Variants in LSS observed in about 807,000 individuals in gnomAD.
LSS encodes the protein lanosterol synthase, also known as 2,3-epoxysqualene-lanosterol cyclase.
In LSS, 90 loss-of-function variants were observed where a neutral mutation model predicts 110.3. The observed-to-expected ratio is 0.82, with a 90% CI of 0.69 to 0.97. The LOEUF is 0.97. Among genes scored for constraint, LSS ranks in the 50% least tolerant of loss-of-function variants. LSS has a pLI of 0.00. For synonymous variants in LSS, 433 were observed against 400.0 expected (o/e 1.08, Z -0.98); for missense variants, 927 against 990.0 (o/e 0.94, Z 0.85).
chr21:46,199,830 G>C (rs771276592), intron 17 of LSS, among the ~76,000 whole-genome samples: 4 of 152,184 alleles, frequency 2.6e-5, no homozygotes, highest in African/African-American at 4.8e-5. Context: ...AGAGGACTCC[G>C]GGGCAGTGAG....
intron 6 of LSS, among the ~76,000 whole-genome samples, chr21:46,218,277 C>T (rs1247899335): frequency 2.6e-5 from 4 of 152,030 alleles, no homozygotes; most frequent in Non-Finnish European, 5.9e-5. Flanking sequence ...CTCATATGCA[C>T]GAGTGTTTTC....
At chr21:46,206,019 C>G (rs906533484) in intron 16 of LSS, 78 bp from the exon 17 acceptor site, 3 of 1,138,484 alleles carry the variant, frequency 2.6e-6, no homozygotes, top group Non-Finnish European at 3.9e-6. Flanking sequence ...AAAGCCACAA[C>G]AAGCAAGAGT....
At chr21:46,199,842 T>G (rs1156331368) in intron 17 of LSS, among the ~76,000 whole-genome samples, 1 of 152,182 alleles carries the variant, frequency 6.6e-6, no homozygotes, top group East Asian at 1.9e-4. Flanking sequence ...GGCAGTGAGA[T>G]CCTGTGTGAC....
chr21:46,200,590 T>C (rs2079966511), intron 17 of LSS, among the ~76,000 whole-genome samples: 1 of 151,576 alleles, frequency 6.6e-6, no homozygotes, highest in African/African-American at 2.4e-5. Flanking sequence ...GAGGATATTC[T>C]ACAAAATAAC....
chr21:46,213,121 T>TCCTGAGTGCAGGGTCTG, intron 10 of LSS, 69 bp from the exon 11 acceptor site: 1 of 1,489,598 alleles, frequency 6.7e-7, no homozygotes, highest in Non-Finnish European at 9.3e-7. Flanking sequence ...ACCCAGACCC[T>TCCTGAGTGCAGGGTCTG]GCACTCAGGA....
chr21:46,224,470 G>A (rs998458178), intron 3 of LSS, among the ~76,000 whole-genome samples: 2 of 152,082 alleles, frequency 1.3e-5, no homozygotes, highest in Admixed American at 6.5e-5. Flanking sequence ...GAGACCCACC[G>A]ACCCTGTGGG....
chr21:46,195,784 C>G, intron 18 of LSS, 28 bp from the exon 19 acceptor site: 4 of 1,576,518 alleles, frequency 2.5e-6, no homozygotes, highest in Non-Finnish European at 3.5e-6. Context: ...GAGCCTCAGC[C>G]CTTCCACCCT....
chr21:46,195,887 C>T (rs550227360), intron 18 of LSS, 131 bp from the exon 19 acceptor site: 5 of 726,792 alleles, frequency 6.9e-6, no homozygotes, highest in South Asian at 3.2e-5. Flanking sequence ...GCATTAAGGC[C>T]GTGGAAGACA....
intron 11 of LSS, among the ~76,000 whole-genome samples, chr21:46,212,753 T>C (rs571585516): frequency 1.3e-5 from 2 of 152,314 alleles, no homozygotes; most frequent in South Asian, 2.1e-4. Flanking sequence ...TCTGCAGCTC[T>C]GGGTCTGTCG....
chr21:46,204,831 A>C (rs2080024984), intron 17 of LSS, among the ~76,000 whole-genome samples: 1 of 152,206 alleles, frequency 6.6e-6, no homozygotes, highest in Non-Finnish European at 1.5e-5. Context: ...TCATCTTAAC[A>C]GGAAAACCTG....
chr21:46,211,649 C>T (rs1003484894), intron 11 of LSS, among the ~76,000 whole-genome samples: 3 of 152,042 alleles, frequency 2.0e-5, no homozygotes, highest in Non-Finnish European at 4.4e-5. Flanking sequence ...ATCCAGACAT[C>T]GTGCACTGGA....
In LSS at chr21:46,191,041, C is replaced by A; in HGVS notation, c.*63G>T. ...ACAGGGTTATGGGAGGGCTCCCCAA[C>A]CCGGCCAGGACCCCTTGGCCTCACT... On this transcript the variant is annotated 3_prime_UTR_variant, in exon 22 of 22. Coordinates refer to ENST00000397728, the MANE Select transcript of LSS (RefSeq NM_002340.6). 1 of 1,598,078 alleles carries A rather than the reference C, an allele frequency of 6.3e-7. No homozygotes were observed. The highest frequency in any genetic ancestry group is 8.5e-7 in the Non-Finnish European group (1 of 1,169,770).
chr21:46,207,379 A>T, intron 15 of LSS, 49 bp downstream of exon 15: 1 of 1,601,060 alleles, frequency 6.2e-7, no homozygotes, highest in South Asian at 1.1e-5. Flanking sequence ...CACGCAGCTC[A>T]TCTGCAGGAC....
chr21:46,223,641 T>C (rs998677623), intron 3 of LSS, among the ~76,000 whole-genome samples: 2 of 152,250 alleles, frequency 1.3e-5, no homozygotes, highest in Non-Finnish European at 2.9e-5. Flanking sequence ...ATCATTAGTT[T>C]GTAGTAATTA....
intron 8 of LSS, among the ~76,000 whole-genome samples, 173 bp downstream of exon 8, chr21:46,215,512 G>C (rs548849657): frequency 6.6e-6 from 1 of 151,958 alleles, no homozygotes; most frequent in South Asian, 2.1e-4. Context: ...CCTGAGAGTA[G>C]AAGACCAGCT....
chr21:46,207,668 C>G, intron 14 of LSS, 91 bp from the exon 15 acceptor site: 2 of 1,433,246 alleles, frequency 1.4e-6, no homozygotes. Context: ...CTCCCCACCA[C>G]AGAGCACCCG....
At position 46,191,115 on chromosome 21, in the gene LSS, C is replaced by T. The variant is rs376168171; in HGVS notation, c.2188G>A (p.Gly730Ser). ...AGGTAGGCATGTTCTCAGGGGTGGC[C>T]AGCAAGGGCTCTCTCAGGGTACAGC... ...SQLYPERALA[G>S]HP The change falls in exon 22 of 22, where the codon GGC (glycine) becomes AGC (serine). Residue 730 changes from glycine (G) to serine (S), a missense_variant. Gly to Ser is a moderately conservative substitution (Grantham distance 56). Coordinates refer to ENST00000397728, the MANE Select transcript of LSS (RefSeq NM_002340.6). 1.9e-6 allele frequency: 3 copies of T among 1,614,122 alleles called. No homozygotes were observed. The highest frequency in any genetic ancestry group is 2.5e-6 in the Non-Finnish European group (3 of 1,180,020).
intron 5 of LSS, among the ~76,000 whole-genome samples, chr21:46,221,017 T>C (rs1418341519): frequency 7.0e-5 from 7 of 99,772 alleles, no homozygotes; most frequent in South Asian, 3.2e-4. Flanking sequence ...GGGGCTTGGA[T>C]AGGTGGACAG....
rs1370167833 is a variant in LSS, at chr21:46,202,208, A to G, written c.1670+3628T>C. Among the ~76,000 whole-genome samples the G allele has an allele frequency of 4.9e-5, 7 of 143,002 alleles. No individual in the cohort carries two copies. In the East Asian group the frequency reaches 1.5e-3, roughly 31 times the overall value. The allele number at this position is 143,002 out of a possible 152,430, so 93.8% of individuals were successfully genotyped here. A position where few individuals can be genotyped will look rare whatever the true frequency, so the allele number is the denominator to read the frequency against. ...AGGAGATCGAGACCATCCTGGCTAA[A>G]ACGGTGAAACCCCGTCTCTACTAAA... is the stretch of plus-strand genomic sequence containing the variant. On this transcript the variant is annotated intron_variant, in intron 17 of 21. Coordinates refer to ENST00000397728, the MANE Select transcript of LSS (RefSeq NM_002340.6).
Sources: allele counts gnomAD v4.1 joint callset (sites outside exome capture counted in the v4.1 genomes callset), GRCh38; gene constraint gnomAD v4.1.1; transcripts MANE v1.5; gene names NCBI Gene and HGNC (gene_info 2026-07-23, HGNC 2026-07-21).